POFUT1: variants seen among roughly 807,000 people sequenced by gnomAD.
POFUT1 encodes GDP-fucose protein O-fucosyltransferase 1.
A neutral mutation model predicts 42.4 loss-of-function variants in POFUT1; 16 were observed. That is an observed-to-expected ratio of 0.38 (90% CI 0.26 to 0.57). POFUT1 has a LOEUF of 0.57. Ranked by LOEUF, POFUT1 falls within the 20% of genes least tolerant of loss-of-function variation. The probability of loss-of-function intolerance (pLI) is 0.71; values close to 1 mark genes in which losing one functional copy is unlikely to be tolerated. For synonymous variants in POFUT1, 206 were observed against 205.4 expected (o/e 1.00, Z -0.03); for missense variants, 470 against 504.6 (o/e 0.93, Z 0.66).
chr20:32,217,211 G>A (rs1448722000), intron 4 of POFUT1: 5 of 1,428,038 alleles, frequency 3.5e-6, no homozygotes, highest in African/African-American at 2.9e-5. Flanking sequence ...CATTTATAGG[G>A]CGCCTGTCAC....
At chr20:32,226,833 T>C (rs972541997) in intron 4 of POFUT1, among the ~76,000 whole-genome samples, 1 of 152,178 alleles carries the variant, frequency 6.6e-6, no homozygotes, top group Non-Finnish European at 1.5e-5. Flanking sequence ...GCAGTTTGTT[T>C]AACTGTTTAC....
chr20:32,230,866 C>T lies in POFUT1; in HGVS notation c.783C>T (p.Phe261=). 5.6e-6 allele frequency: 9 copies of T among 1,614,184 alleles called. No homozygotes were observed. The highest frequency in any genetic ancestry group is 7.6e-6 in the Non-Finnish European group (9 of 1,180,040). Residue 261 remains phenylalanine, a synonymous_variant, in exon 6 of 7, where the codon TTC becomes TTT. Coordinates refer to ENST00000375749, the MANE Select transcript of POFUT1 (RefSeq NM_015352.2). ...AGGACGGGACTGCAGGCTCGCACTTCATGGCCTCTCCGCAGTGTGTGGGCT... is the reference window on the plus strand; with the variant it reads ...AGGACGGGACTGCAGGCTCGCACTTTATGGCCTCTCCGCAGTGTGTGGGCT... ...MLKDGTAGSH[F]MASPQCVGYS...
chr20:32,217,335 T>A (rs574803406), intron 4 of POFUT1: 10 of 1,214,012 alleles, frequency 8.2e-6, no homozygotes, highest in African/African-American at 6.1e-5. Flanking sequence ...AGTGTACTTG[T>A]CCTTAATGTT....
Position 32,228,379 on chromosome 20 carries a change from A to G in POFUT1, c.659A>G (p.Lys220Arg). ...ATGGTATGGTCAGACGAAATGGTGA[A>G]GACGGGAGAGGCCCAGATTCATGCC... Reference protein sequence around the residue: ...KYMVWSDEMVKTGEAQIHAHL... With the variant: ...KYMVWSDEMVRTGEAQIHAHL... The change falls in exon 5 of 7, where the codon AAG becomes AGG. Residue 220 changes from lysine to arginine, a missense_variant. Transcript: ENST00000375749. 8 of 1,614,248 alleles carry G rather than the reference A, an allele frequency of 5.0e-6. No individual in the cohort carries two copies. Among genetic ancestry groups the G allele is most frequent in the Non-Finnish European group, 6.8e-6 (8 of 1,180,034 alleles).
chr20:32,217,243 G>A, intron 4 of POFUT1: 10 of 1,399,380 alleles, frequency 7.1e-6, no homozygotes, highest in Non-Finnish European at 9.3e-6. Flanking sequence ...AGTAATCAGA[G>A]GCCAATGGTG....
At chr20:32,209,294 C>T (rs867687661) in intron 1 of POFUT1, among the ~76,000 whole-genome samples, 3 of 152,240 alleles carry the variant, frequency 2.0e-5, no homozygotes, top group Admixed American at 6.5e-5. Context: ...CTGACCTCTA[C>T]CCAAGTAATC....
At chr20:32,211,395 T>G (rs1160781413) in intron 2 of POFUT1, among the ~76,000 whole-genome samples, 2 of 151,964 alleles carry the variant, frequency 1.3e-5, no homozygotes, top group Non-Finnish European at 2.9e-5. Context: ...TGCCTCAGCC[T>G]CCTGATTAAC....
chr20:32,224,182 A>G (rs987422049), intron 4 of POFUT1, among the ~76,000 whole-genome samples: 2 of 152,134 alleles, frequency 1.3e-5, no homozygotes, highest in African/African-American at 4.8e-5. Context: ...TTCTGAGGTC[A>G]GGAGTTTGAG....
intron 6 of POFUT1, among the ~76,000 whole-genome samples, chr20:32,231,868 G>A (rs1334808146): frequency 6.6e-6 from 1 of 152,254 alleles, no homozygotes; most frequent in East Asian, 1.9e-4. Flanking sequence ...GCCGTGAATA[G>A]TGAGTATTCA....
rs375423418 is a variant in POFUT1 at position 32,215,373 on chromosome 20, G to T, written c.351G>T (p.Trp117Cys). The change falls in exon 3 of 7, where the codon TGG becomes TGT. Residue 117 changes from tryptophan (W) to cysteine (C), a missense_variant. Physicochemically the swap from Trp to Cys is radical, Grantham distance 215 (BLOSUM62 -2). Coordinates refer to ENST00000375749, the MANE Select transcript of POFUT1 (RefSeq NM_015352.2). ...TGGAGAAGCTGGCACCCACCCACTG[G>T]CCCCCTGAGAAGCGGGTGGCATACT... The part of the protein sequence containing the change: ...DFMEKLAPTH[W>C]PPEKRVAYCF... 6.2e-7 allele frequency: 1 copy of T among 1,613,910 alleles called. No individual in the cohort carries two copies. The highest frequency in any genetic ancestry group is 8.5e-7 in the Non-Finnish European group (1 of 1,179,952).
chr20:32,208,484 C>T (rs1380743544), intron 1 of POFUT1, among the ~76,000 whole-genome samples: 1 of 151,998 alleles, frequency 6.6e-6, no homozygotes, highest in Non-Finnish European at 1.5e-5. Context: ...ACTCCGTGTC[C>T]TTGTAGAGCC....
At chr20:32,221,321 A>G (rs2122581254) in intron 4 of POFUT1, among the ~76,000 whole-genome samples, 1 of 152,266 alleles carries the variant, frequency 6.6e-6, no homozygotes, top group African/African-American at 2.4e-5. Context: ...TTACTGTGCG[A>G]TTAGGCAGCT....
chr20:32,214,282 G>A (rs1451600068), intron 2 of POFUT1, among the ~76,000 whole-genome samples: 5 of 151,766 alleles, frequency 3.3e-5, no homozygotes, highest in Non-Finnish European at 5.9e-5. Flanking sequence ...GCACCACCAC[G>A]CCCAGCTAAT....
At chr20:32,231,217 T>C in intron 6 of POFUT1, 156 bp downstream of exon 6, 1 of 736,626 alleles carries the variant, frequency 1.4e-6, no homozygotes. Context: ...AAACCCCAGC[T>C]CAGAGGCCTC....
chr20:32,222,366 A>G (rs562517175), intron 4 of POFUT1, among the ~76,000 whole-genome samples: 3 of 152,300 alleles, frequency 2.0e-5, no homozygotes, highest in South Asian at 2.1e-4. Context: ...TAGCTTTTCT[A>G]TCACCTCATG....
chr20:32,231,815 G>C (rs1201318062), intron 6 of POFUT1, among the ~76,000 whole-genome samples: 1 of 152,212 alleles, frequency 6.6e-6, no homozygotes, highest in Non-Finnish European at 1.5e-5. Flanking sequence ...GGTGGCTGAT[G>C]AATGAAGGAA....
intron 4 of POFUT1, chr20:32,217,113 A>G (rs2047366141): frequency 5.6e-6 from 9 of 1,601,800 alleles, no homozygotes; most frequent in Non-Finnish European, 7.7e-6. Context: ...TCATCCTGAT[A>G]ATTATTGGAC....
intron 4 of POFUT1, chr20:32,217,492 A>G: frequency 2.0e-6 from 2 of 990,626 alleles, no homozygotes; most frequent in Non-Finnish European, 2.4e-6. Flanking sequence ...CATGCCTGTA[A>G]TCCCAGCACT....
intron 4 of POFUT1, among the ~76,000 whole-genome samples, chr20:32,221,232 C>T (rs750956615): frequency 1.3e-5 from 2 of 152,074 alleles, no homozygotes; most frequent in Non-Finnish European, 2.9e-5. Context: ...TCTTAAGATA[C>T]AGGATACTTC....
Sources: allele counts gnomAD v4.1 joint callset (sites outside exome capture counted in the v4.1 genomes callset), GRCh38; gene constraint gnomAD v4.1.1; transcripts MANE v1.5; gene names NCBI Gene and HGNC (gene_info 2026-07-23, HGNC 2026-07-21).